RAD54B: variants seen among roughly 807,000 people sequenced by gnomAD.
RAD54B encodes the protein DNA repair and recombination protein RAD54B.
A neutral mutation model predicts 95.8 loss-of-function variants in RAD54B; 78 were observed. The observed-to-expected ratio is 0.81, with a 90% CI of 0.68 to 0.98. The LOEUF (loss-of-function observed/expected upper bound fraction) is 0.98, where lower values mean the gene tolerates loss of function less well. RAD54B is among the 50% of genes least tolerant of loss of function. The pLI is 0.00. For synonymous variants in RAD54B, 328 were observed against 354.9 expected (o/e 0.92, Z 0.85); for missense variants, 957 against 1,056.6 (o/e 0.91, Z 1.31).
At chr8:94,407,408 C>A in intron 5 of RAD54B, 31 bp downstream of exon 5, 1 of 1,553,478 alleles carries the variant, frequency 6.4e-7, no homozygotes, top group South Asian at 1.2e-5. Flanking sequence ...ACAGTAAAAA[C>A]AGAAAATTCA....
At chr8:94,431,332 C>T in intron 3 of RAD54B, 1 of 978,646 alleles carries the variant, frequency 1.0e-6, no homozygotes, top group Non-Finnish European at 1.2e-6. Context: ...CAATGGAATA[C>T]CTTATCTATT....
At chr8:94,440,638 T>C (rs1812376627) in intron 3 of RAD54B, among the ~76,000 whole-genome samples, 1 of 152,190 alleles carries the variant, frequency 6.6e-6, no homozygotes, top group Non-Finnish European at 1.5e-5. Flanking sequence ...TTTCCTCTGC[T>C]CTCACACCAC....
chr8:94,441,659 G>T (rs946144544), intron 3 of RAD54B, among the ~76,000 whole-genome samples: 66 of 152,114 alleles, frequency 4.3e-4, no homozygotes, highest in Non-Finnish European at 1.3e-4. Context: ...TTAAATCACT[G>T]GCCACTGGTA....
intron 6 of RAD54B, among the ~76,000 whole-genome samples, chr8:94,403,314 A>G (rs1811304698): frequency 6.6e-6 from 1 of 152,188 alleles, no homozygotes; most frequent in Non-Finnish European, 1.5e-5. Context: ...TTCTTTAATC[A>G]GAAAATGCAA....
chr8:94,423,958 G>T (rs755064043), intron 3 of RAD54B, among the ~76,000 whole-genome samples: 2 of 152,104 alleles, frequency 1.3e-5, no homozygotes, highest in African/African-American at 2.4e-5. Context: ...CGGGTAAAAA[G>T]AATGTCTTCA....
chr8:94,400,841 T>C (rs1811250293), intron 6 of RAD54B, among the ~76,000 whole-genome samples: 1 of 152,168 alleles, frequency 6.6e-6, no homozygotes, highest in South Asian at 2.1e-4. Flanking sequence ...TTAAAATATA[T>C]TGTTGTATTA....
intron 8 of RAD54B, 67 bp downstream of exon 8, chr8:94,399,347 C>A: frequency 8.2e-7 from 1 of 1,226,666 alleles, no homozygotes; most frequent in Admixed American, 1.8e-5. Flanking sequence ...TGTTAAGCAT[C>A]ATAGTACAAG....
At position 94,382,101 on chromosome 8, in the gene RAD54B, A is replaced by G. The variant is rs577969547; in HGVS notation, c.1986-1695T>C. ...TGCACTCCAGCCTGGGCGACAGAGC[A>G]AGACTCCCTCTCAAAAAAAAAAAAA... On this transcript the variant is annotated intron_variant, in intron 11 of 14. Coordinates refer to ENST00000336148, the MANE Select transcript of RAD54B (RefSeq NM_012415.3). Among the ~76,000 whole-genome samples, 26 of 145,124 alleles carry G rather than the reference A, an allele frequency of 1.8e-4. No homozygotes were observed. The South Asian group carries it at 2.3e-3, about 13-fold the overall frequency.
intron 3 of RAD54B, among the ~76,000 whole-genome samples, chr8:94,446,091 C>A (rs1323843787): frequency 1.3e-5 from 2 of 151,920 alleles, no homozygotes; most frequent in African/African-American, 4.8e-5. Context: ...GAAAACATAG[C>A]AAGTAGTGTA....
At chr8:94,459,156 C>T (rs1182602899) in intron 2 of RAD54B, among the ~76,000 whole-genome samples, 2 of 151,846 alleles carry the variant, frequency 1.3e-5, no homozygotes, top group African/African-American at 4.8e-5. Context: ...CAAGCCCCCA[C>T]CTCTTTTTTT....
In RAD54B at chr8:94,432,536, T is replaced by C. The variant is rs1347484951; in HGVS notation, c.305-21221A>G. 4 of 1,550,620 alleles carry C rather than the reference T, an allele frequency of 2.6e-6. No homozygotes were observed. In the East Asian group the frequency reaches 9.8e-5, roughly 38 times the overall value. The stretch of plus-strand genomic sequence containing the variant: ...CACTCTGTTGAGAATTTAAAACCAG[T>C]GGAGGAGGTGGTTTAATGTCTTCTT... On this transcript the variant is annotated intron_variant, in intron 3 of 14. Coordinates refer to ENST00000336148, the MANE Select transcript of RAD54B (RefSeq NM_012415.3).
intron 6 of RAD54B, among the ~76,000 whole-genome samples, chr8:94,402,248 TTTC>T (rs1811282791): frequency 7.0e-6 from 1 of 142,100 alleles, no homozygotes; most frequent in South Asian, 2.3e-4. Flanking sequence ...ATGTGCTATT[TTTC>T]TTTTTTTTTT....
At chr8:94,389,143 CAG>C (rs1291965276) in intron 10 of RAD54B, among the ~76,000 whole-genome samples, 1 of 152,118 alleles carries the variant, frequency 6.6e-6, no homozygotes, top group African/African-American at 2.4e-5. Flanking sequence ...TTTAAAGAGA[CAG>C]GGCCTCATTA....
intron 3 of RAD54B, among the ~76,000 whole-genome samples, chr8:94,424,054 T>C (rs1811884494): frequency 6.6e-6 from 1 of 152,154 alleles, no homozygotes; most frequent in Non-Finnish European, 1.5e-5. Context: ...TCCAAGACCC[T>C]CCCTGCCACC....
At chr8:94,462,978 C>A (rs1368003231) in intron 2 of RAD54B, among the ~76,000 whole-genome samples, 10 of 151,980 alleles carry the variant, frequency 6.6e-5, no homozygotes, top group African/African-American at 2.4e-4. Flanking sequence ...GAATTCATGA[C>A]CAGCCTGGCC....
rs1041700664 is a variant in RAD54B at position 94,416,670 on chromosome 8, A to G, written c.305-5355T>C. Among the ~76,000 whole-genome samples, 7 of 152,322 alleles carry G rather than the reference A, an allele frequency of 4.6e-5. No individual in the cohort carries two copies. In the South Asian group the frequency reaches 1.2e-3, roughly 27 times the overall value. On this transcript the variant is annotated intron_variant, in intron 3 of 14. Coordinates refer to ENST00000336148, the MANE Select transcript of RAD54B (RefSeq NM_012415.3). ...ATTAGTCATCCAGAAAATACATATT[A>G]AAAACCTGAAATACCACTTCACAAC...
At chr8:94,450,467 C>T (rs2930968) in intron 3 of RAD54B, among the ~76,000 whole-genome samples, 63,109 of 152,056 alleles carry the variant, frequency 0.42, 13,322 homozygotes, top group Admixed American at 0.51. Flanking sequence ...TCCACAAATA[C>T]TATGCAAAAA....
chr8:94,467,678 C>A (rs1813063997), intron 1 of RAD54B, 123 bp from the exon 2 acceptor site: 1 of 955,794 alleles, frequency 1.0e-6, no homozygotes, highest in Non-Finnish European at 1.5e-6. Context: ...CTGCCTGGCC[C>A]CCCAAGCATA....
intron 2 of RAD54B, among the ~76,000 whole-genome samples, chr8:94,460,307 C>CA (rs1812874407): frequency 6.6e-6 from 1 of 151,992 alleles, no homozygotes; most frequent in African/African-American, 2.4e-5. Context: ...TCAGTCTCTA[C>CA]AAAAAATACA....
Sources: gnomAD v4.1 joint callset for allele counts (sites outside exome capture counted in the v4.1 genomes callset) on GRCh38, gnomAD v4.1.1 for gene constraint, MANE v1.5 for transcripts, NCBI Gene and HGNC (gene_info 2026-07-23, HGNC 2026-07-21) for gene names.